Variants in LRRC28 observed in about 807,000 individuals in gnomAD.
LRRC28 encodes leucine rich repeat containing 28, also known as leucine-rich repeat-containing protein 28.
A neutral mutation model predicts 45.7 loss-of-function variants in LRRC28; 39 were observed. The ratio of observed to expected loss-of-function variants is 0.85; its 90% CI spans 0.66 to 1.12. The LOEUF (loss-of-function observed/expected upper bound fraction) is 1.12, where lower values mean the gene tolerates loss of function less well. Ranked by LOEUF, LRRC28 falls within the 50% of genes most tolerant of loss-of-function variation. LRRC28 has a pLI of 0.00. For synonymous variants in LRRC28, 206 were observed against 178.8 expected, an observed-to-expected ratio of 1.15 and a Z score of -1.22; for missense variants, 435 against 438.5, an observed-to-expected ratio of 0.99 and a Z score of 0.07.
At chr15:99,363,669 T>A (rs1024578379) in intron 9 of LRRC28, among the ~76,000 whole-genome samples, 3 of 152,234 alleles carry the variant, frequency 2.0e-5, no homozygotes, top group Non-Finnish European at 4.4e-5. Context: ...TCTGTATGTG[T>A]GTGTGTTTGT....
intron 2 of LRRC28, among the ~76,000 whole-genome samples, chr15:99,272,030 G>A (rs2081495316): frequency 6.6e-6 from 1 of 152,184 alleles, no homozygotes; most frequent in Non-Finnish European, 1.5e-5. Context: ...TTAAATTTAA[G>A]TTGTTGATCC....
intron 2 of LRRC28, chr15:99,256,370 A>T: frequency 3.3e-6 from 1 of 300,924 alleles, no homozygotes; most frequent in Non-Finnish European, 6.1e-6. Context: ...ATGACTTATA[A>T]AGTTAGTACC....
At chr15:99,298,837 C>T (rs1392396774) in intron 5 of LRRC28, among the ~76,000 whole-genome samples, 25 of 151,930 alleles carry the variant, frequency 1.6e-4, no homozygotes, top group African/African-American at 5.6e-4. Context: ...GCCTCCCAAG[C>T]AGCTGGGATT....
chr15:99,318,396 A>G (rs1372082110), intron 5 of LRRC28, among the ~76,000 whole-genome samples: 1 of 152,098 alleles, frequency 6.6e-6, no homozygotes, highest in Non-Finnish European at 1.5e-5. Flanking sequence ...GAGGAATCCC[A>G]ATGTGTGTGA....
chr15:99,285,882 T>C (rs2081945942), intron 3 of LRRC28: 1 of 301,388 alleles, frequency 3.3e-6, no homozygotes, highest in South Asian at 3.3e-5. Flanking sequence ...TGATTTCATA[T>C]ACAGAAAGCA....
intron 6 of LRRC28, among the ~76,000 whole-genome samples, chr15:99,334,820 T>G (rs1956272315): frequency 6.6e-6 from 1 of 152,170 alleles, no homozygotes; most frequent in Admixed American, 6.5e-5. Context: ...AACCTTAAAC[T>G]GTCACAATAA....
In LRRC28 at chr15:99,261,529, G is replaced by A. The variant is rs545538663; in HGVS notation, c.168+5404G>A. On this transcript the variant is annotated intron_variant, in intron 2 of 9. Coordinates refer to ENST00000301981, the MANE Select transcript of LRRC28 (RefSeq NM_144598.5). ...TGCTGTATTCTCACATGGTGGAAGG[G>A]GTCAAGGGTCTCTCCCCGACCTCTT... is the stretch of plus-strand genomic sequence containing the variant. Among the ~76,000 whole-genome samples the A allele has an allele frequency of 7.5e-4, 114 of 152,188 alleles. 3 individuals are homozygous for A. The highest frequency in any genetic ancestry group is 6.2e-4 in the South Asian group (3 of 4,822).
chr15:99,339,243 T>C (rs1043912592), intron 6 of LRRC28, among the ~76,000 whole-genome samples: 3 of 152,228 alleles, frequency 2.0e-5, no homozygotes, highest in Admixed American at 1.3e-4. Flanking sequence ...TTACAACTTA[T>C]TCAATGTTGA....
At chr15:99,332,222 A>G (rs1410801353) in intron 5 of LRRC28, among the ~76,000 whole-genome samples, 1 of 152,174 alleles carries the variant, frequency 6.6e-6, no homozygotes, top group African/African-American at 2.4e-5. Context: ...AGCAAGGTGG[A>G]GTACTATGCC....
chr15:99,382,803 A>G (rs1957869181), intron 9 of LRRC28, among the ~76,000 whole-genome samples: 1 of 151,908 alleles, frequency 6.6e-6, no homozygotes, highest in Non-Finnish European at 1.5e-5. Flanking sequence ...TGTTCTGTAT[A>G]TGTCAGATTT....
intron 9 of LRRC28, among the ~76,000 whole-genome samples, chr15:99,370,539 A>G (rs1013085311): frequency 6.6e-6 from 1 of 152,162 alleles, no homozygotes; most frequent in African/African-American, 2.4e-5. Context: ...TTTCATTTTC[A>G]ACTCCATATA....
rs373633492 is a variant in LRRC28 at position 99,255,089 on chromosome 15, G to C, written c.-60-809G>C. ...AAAAACAAAGAGGCGAGGCATCGTG[G>C]CTCATGACTGTAATCCCAGCACTTG... On this transcript the variant is annotated intron_variant, in intron 1 of 9. Transcript: ENST00000301981. Among the ~76,000 whole-genome samples the C allele has an allele frequency of 1.1e-3, 160 of 152,306 alleles. 4 individuals carry two copies. Among genetic ancestry groups the C allele is most frequent in the African/African-American group, 3.4e-3 (140 of 41,558 alleles).
chr15:99,350,197 C>G (rs964449767), intron 6 of LRRC28, among the ~76,000 whole-genome samples: 1 of 151,112 alleles, frequency 6.6e-6, no homozygotes. Flanking sequence ...GATACCTTTT[C>G]TTACCTATAA....
At chr15:99,383,808 G>T (rs868159776) in intron 9 of LRRC28, among the ~76,000 whole-genome samples, 8 of 152,240 alleles carry the variant, frequency 5.3e-5, no homozygotes, top group Middle Eastern at 3.4e-3. Context: ...GGTCCTCTCT[G>T]CATTCCCATT....
At chr15:99,374,954 A>T (rs1163488114) in intron 9 of LRRC28, among the ~76,000 whole-genome samples, 1 of 152,098 alleles carries the variant, frequency 6.6e-6, no homozygotes, top group Non-Finnish European at 1.5e-5. Flanking sequence ...GGCATGAGCC[A>T]CCGCACCCAG....
chr15:99,295,429 T>C (rs62023801), intron 5 of LRRC28, among the ~76,000 whole-genome samples: 16,422 of 152,178 alleles, frequency 0.11, 953 homozygotes, highest in African/African-American at 0.16. Flanking sequence ...AATAAAGGAT[T>C]GTTGGGGAAA....
At chr15:99,376,095 A>G (rs1373957935) in intron 9 of LRRC28, among the ~76,000 whole-genome samples, 10 of 152,158 alleles carry the variant, frequency 6.6e-5, no homozygotes, top group Admixed American at 6.5e-4. Flanking sequence ...ATTTAGTACT[A>G]TAAATTTCCC....
intron 9 of LRRC28, among the ~76,000 whole-genome samples, chr15:99,378,942 C>T (rs1957730020): frequency 6.6e-6 from 1 of 151,996 alleles, no homozygotes; most frequent in Non-Finnish European, 1.5e-5. Flanking sequence ...TTCGGTTTCC[C>T]AGTATTTTAT....
intron 9 of LRRC28, among the ~76,000 whole-genome samples, chr15:99,363,965 G>A (rs1957276006): frequency 6.6e-6 from 1 of 152,090 alleles, no homozygotes; most frequent in Non-Finnish European, 1.5e-5. Flanking sequence ...AAGTACTATA[G>A]TACCTCATTT....
Sources: allele counts gnomAD v4.1 joint callset (sites outside exome capture counted in the v4.1 genomes callset), GRCh38; gene constraint gnomAD v4.1.1; transcripts MANE v1.5; gene names NCBI Gene and HGNC (gene_info 2026-07-23, HGNC 2026-07-21).